Variants in GLTP observed in about 807,000 individuals in gnomAD.
GLTP encodes glycolipid transfer protein.
GLTP carries 22 observed loss-of-function variants against 24.0 expected under a neutral mutation model. That is an observed-to-expected ratio of 0.92 (90% confidence interval 0.65 to 1.31). The LOEUF (loss-of-function observed/expected upper bound fraction) is 1.31. GLTP is among the 50% of genes most tolerant of loss of function. GLTP has a pLI of 0.00. For missense variants in GLTP, 224 were observed against 276.6 expected (o/e 0.81, Z 1.35); for synonymous variants, 92 against 115.9 (o/e 0.79, Z 1.33).
At chr12:109,858,555 A>G in intron 2 of GLTP, 128 bp downstream of exon 2, 4 of 730,814 alleles carry the variant, frequency 5.5e-6, no homozygotes, top group South Asian at 1.6e-5. Flanking sequence ...CTTGGGGCCC[A>G]TCTTCCATGT....
intron 1 of GLTP, among the ~76,000 whole-genome samples, chr12:109,878,103 G>A (rs1868942254): frequency 6.6e-6 from 1 of 152,134 alleles, no homozygotes. Flanking sequence ...ACAAAGACAA[G>A]GGTCCTTTGA....
In GLTP at chr12:109,880,429, G is replaced by T; in HGVS notation, c.-55C>A. The T allele has an allele frequency of 2.7e-6, 2 of 754,644 alleles. No individual in the cohort carries two copies. Among genetic ancestry groups the T allele is most frequent in the Non-Finnish European group, 1.8e-6 (1 of 548,260 alleles). 46.7% of individuals were successfully genotyped at this position (754,644 alleles called of 1,614,324 possible). A position where few individuals can be genotyped will look rare whatever the true frequency, so the allele number is the denominator to read the frequency against. ...AGCCGGCGCCGCGGGCGTCGACACC[G>T]CCCCCCCGGCCGCCGCCGTCAGCGC... On this transcript the variant is annotated 5_prime_UTR_variant, in exon 1 of 5. Transcript: ENST00000318348. This position sits in a 1 kb window ranked among gnomAD's most constrained non-coding sequence, Gnocchi z 5.1.
At position 109,856,244 on chromosome 12, in the gene GLTP, C is replaced by T. The variant is rs74856595; in HGVS notation, c.297-475G>A. ...CCACTCCCCAGCCCTCAGCATCTTT[C>T]TAAGTCTGCTACGGTGCTCCTCTGC... On this transcript the variant is annotated intron_variant, in intron 3 of 4. Transcript: ENST00000318348. Among the ~76,000 whole-genome samples the T allele has an allele frequency of 1.4e-3, 211 of 152,330 alleles. 2 individuals carry two copies. The East Asian group carries it at 0.036, about 26-fold the overall frequency.
intron 1 of GLTP, among the ~76,000 whole-genome samples, chr12:109,868,537 AG>A (rs113413033): frequency 6.6e-6 from 1 of 152,152 alleles, no homozygotes; most frequent in Non-Finnish European, 1.5e-5. Context: ...AACAATGTTC[AG>A]GGAAAAAAAA....
chr12:109,868,509 C>T (rs1299600479), intron 1 of GLTP, among the ~76,000 whole-genome samples: 1 of 152,152 alleles, frequency 6.6e-6, no homozygotes, highest in Admixed American at 6.5e-5. Context: ...CTGGCCTACC[C>T]TCTCGTTTCA....
At chr12:109,875,950 A>G (rs1289441701) in intron 1 of GLTP, among the ~76,000 whole-genome samples, 1 of 152,230 alleles carries the variant, frequency 6.6e-6, no homozygotes, top group Non-Finnish European at 1.5e-5. Flanking sequence ...AATTGAATAT[A>G]AGGATGTTCA....
intron 1 of GLTP, among the ~76,000 whole-genome samples, chr12:109,861,927 CATCCTT>C (rs1350907046): frequency 6.6e-6 from 1 of 152,212 alleles, no homozygotes. Flanking sequence ...GAGTGGGACT[CATCCTT>C]GACCTGTGCC....
intron 1 of GLTP, among the ~76,000 whole-genome samples, chr12:109,879,083 TGAA>T (rs1402596794): frequency 6.6e-6 from 1 of 151,992 alleles, no homozygotes; most frequent in Non-Finnish European, 1.5e-5. Context: ...GCTCACGAGG[TGAA>T]GGAGGGGAAC....
At chr12:109,869,303 C>CA (rs140914540) in intron 1 of GLTP, among the ~76,000 whole-genome samples, 3,585 of 48,918 alleles carry the variant, frequency 0.073, 250 homozygotes, top group African/African-American at 0.19. Context: ...GGCTCTACCT[C>CA]AAAAAAAAAA....
chr12:109,877,741 G>A (rs1024523045), intron 1 of GLTP, among the ~76,000 whole-genome samples: 6 of 151,954 alleles, frequency 3.9e-5, no homozygotes, highest in African/African-American at 7.3e-5. Flanking sequence ...AGATCATCCC[G>A]GTGACCAGAC....
rs1181551061 is a variant in GLTP, at chr12:109,850,976, A to T, written c.*1579T>A. 4 of 152,614 alleles carry T rather than the reference A, an allele frequency of 2.6e-5. No individual in the cohort carries two copies. The highest frequency in any genetic ancestry group is 5.9e-5 in the Non-Finnish European group (4 of 68,036). 9.5% of individuals were successfully genotyped at this position (152,614 alleles called of 1,614,324 possible). On this transcript the variant is annotated 3_prime_UTR_variant, in exon 5 of 5. Transcript: ENST00000318348. Reference sequence around the variant, plus strand: ...CAAAATAGAGATTTATTTATTAAGGATTATTTAGTTTCTGCATAAAAATCT... The same window carrying T: ...CAAAATAGAGATTTATTTATTAAGGTTTATTTAGTTTCTGCATAAAAATCT...
intron 1 of GLTP, among the ~76,000 whole-genome samples, chr12:109,861,465 C>T (rs1053815247): frequency 2.0e-5 from 3 of 152,048 alleles, no homozygotes; most frequent in African/African-American, 2.4e-5. Context: ...AATAAGGCAC[C>T]GAGGCCAGGC....
chr12:109,857,884 T>C lies in GLTP; in HGVS notation c.163-225A>G. On this transcript the variant is annotated intron_variant, in intron 2 of 4. Coordinates refer to ENST00000318348, the MANE Select transcript of GLTP (RefSeq NM_016433.4). This position sits in a 1 kb window ranked among gnomAD's most constrained non-coding sequence, Gnocchi z 4.3. ...TATGATCCTGGTGGCAAACCTGATGTTGCTGTCATTATCCCATTTTACAGG... is the reference window on the plus strand; with the variant it reads ...TATGATCCTGGTGGCAAACCTGATGCTGCTGTCATTATCCCATTTTACAGG... 1.8e-6 allele frequency: 1 copy of C among 566,772 alleles called. No homozygotes were observed. The highest frequency in any genetic ancestry group is 3.2e-6 in the Non-Finnish European group (1 of 316,318). The allele number at this position is 566,772 out of a possible 1,614,324, so 35.1% of individuals were successfully genotyped here. A position where few individuals can be genotyped will look rare whatever the true frequency, so the allele number is the denominator to read the frequency against.
At chr12:109,876,615 AGGGAGG>A (rs1868890107) in intron 1 of GLTP, among the ~76,000 whole-genome samples, 1 of 131,194 alleles carries the variant, frequency 7.6e-6, no homozygotes, top group African/African-American at 2.8e-5. Flanking sequence ...GAAGGGAGGA[AGGGAGG>A]GGGAGGGAGG....
At chr12:109,853,246 AGAC>A (rs1463568811) in intron 4 of GLTP, among the ~76,000 whole-genome samples, 6 of 152,138 alleles carry the variant, frequency 3.9e-5, no homozygotes, top group Non-Finnish European at 8.8e-5. Flanking sequence ...TGAGTTGGGG[AGAC>A]GACTGCTAAA....
At position 109,880,429 on chromosome 12, in the gene GLTP, G is replaced by GC. The variant is rs1424249446; in HGVS notation, c.-56dup. 7.4e-5 allele frequency: 56 copies of GC among 754,556 alleles called. No homozygotes were observed. The highest frequency in any genetic ancestry group is 4.6e-4 in the Middle Eastern group (1 of 2,186). The allele number at this position is 754,556 out of a possible 1,614,324, so 46.7% of individuals were successfully genotyped here. A position where few individuals can be genotyped will look rare whatever the true frequency, so the allele number is the denominator to read the frequency against. On this transcript the variant is annotated 5_prime_UTR_variant, in exon 1 of 5. Coordinates refer to ENST00000318348, the MANE Select transcript of GLTP (RefSeq NM_016433.4). The surrounding 1 kb of genome is among the most constrained non-coding windows in gnomAD (Gnocchi z 5.1). ...AGCCGGCGCCGCGGGCGTCGACACC[G>GC]CCCCCCCGGCCGCCGCCGTCAGCGC...
chr12:109,854,265 C>G (rs542057672), intron 4 of GLTP, among the ~76,000 whole-genome samples: 1 of 149,326 alleles, frequency 6.7e-6, no homozygotes, highest in Admixed American at 6.8e-5. Context: ...GACACTGAGG[C>G]TGGAGAATCG....
chr12:109,866,651 A>G (rs961147951), intron 1 of GLTP: 2 of 152,138 alleles, frequency 1.3e-5, no homozygotes, highest in Admixed American at 1.3e-4. Flanking sequence ...AATACGAGTT[A>G]TGATAAAGAT....
intron 1 of GLTP, among the ~76,000 whole-genome samples, chr12:109,868,569 C>A (rs1318078303): frequency 6.6e-6 from 1 of 152,228 alleles, no homozygotes; most frequent in East Asian, 1.9e-4. Context: ...AGATGCACAG[C>A]TTGCTTCACT....
Sources: allele counts gnomAD v4.1 joint callset (sites outside exome capture counted in the v4.1 genomes callset), GRCh38; gene constraint gnomAD v4.1.1; non-coding constraint Gnocchi (gnomAD v3.1); transcripts MANE v1.5; gene names NCBI Gene and HGNC (gene_info 2026-07-23, HGNC 2026-07-21).